Variants in NFASC observed in about 807,000 individuals in gnomAD.
NFASC encodes the protein neurofascin, also known as neurofascin homolog.
A neutral mutation model predicts 147.5 loss-of-function variants in NFASC; 43 were observed. The observed-to-expected ratio is 0.29, with a 90% CI of 0.23 to 0.38. The LOEUF (loss-of-function observed/expected upper bound fraction) is 0.38, where lower values mean the gene tolerates loss of function less well. Ranked by LOEUF, NFASC falls within the 10% of genes least tolerant of loss-of-function variation. NFASC has a pLI of 1.00. For missense variants in NFASC, 1,320 were observed against 1,689.0 expected (o/e 0.78, Z 3.83); for synonymous variants, 622 against 665.5 (o/e 0.93, Z 1.01).
chr1:204,921,558 G>A (rs902166041), intron 2 of NFASC, among the ~76,000 whole-genome samples: 5 of 152,146 alleles, frequency 3.3e-5, no homozygotes, highest in East Asian at 1.9e-4. Context: ...GGGGAGGGGC[G>A]TGGAGAGGGT....
intron 1 of NFASC, among the ~76,000 whole-genome samples, chr1:204,849,004 C>A (rs1317308239): frequency 6.6e-6 from 1 of 152,254 alleles, no homozygotes; most frequent in Non-Finnish European, 1.5e-5. Context: ...TGGAGGCAGG[C>A]CTGTCCCTGG....
At chr1:204,842,031 T>A (rs1675510360) in intron 1 of NFASC, among the ~76,000 whole-genome samples, 1 of 152,220 alleles carries the variant, frequency 6.6e-6, no homozygotes, top group Non-Finnish European at 1.5e-5. Context: ...TATACATCTA[T>A]ACCTGGAGTA....
chr1:204,955,039 T>C, intron 7 of NFASC, 88 bp downstream of exon 7: 1 of 1,515,426 alleles, frequency 6.6e-7, no homozygotes, highest in Non-Finnish European at 9.0e-7. Context: ...TTGCCCAAGC[T>C]AGAAGGCCTT....
chr1:204,905,811 GTT>G (rs2085727319), intron 1 of NFASC, among the ~76,000 whole-genome samples: 1 of 152,156 alleles, frequency 6.6e-6, no homozygotes, highest in South Asian at 2.1e-4. Flanking sequence ...TGCTGAATCA[GTT>G]TGTGAATGTT....
chr1:204,854,110 TGA>T (rs1410928080), intron 1 of NFASC, among the ~76,000 whole-genome samples: 1 of 151,200 alleles, frequency 6.6e-6, no homozygotes, highest in East Asian at 2.0e-4. Flanking sequence ...CCTTTTTGCC[TGA>T]CCTATTCATA....
chr1:205,001,535 G>T (rs1356691379), intron 26 of NFASC, among the ~76,000 whole-genome samples: 1 of 152,284 alleles, frequency 6.6e-6, no homozygotes, highest in East Asian at 1.9e-4. Flanking sequence ...TGTCTGTGGA[G>T]GACCTGGGTA....
chr1:204,984,700 G>GTA (rs1316990858), intron 21 of NFASC, among the ~76,000 whole-genome samples: 3 of 152,118 alleles, frequency 2.0e-5, no homozygotes, highest in Non-Finnish European at 2.9e-5. Flanking sequence ...AGATAACCCA[G>GTA]TATATGGACT....
At chr1:205,003,146 A>G (rs879585784) in intron 27 of NFASC, among the ~76,000 whole-genome samples, 1 of 152,192 alleles carries the variant, frequency 6.6e-6, no homozygotes, top group African/African-American at 2.4e-5. Flanking sequence ...ATGCAGGATC[A>G]GGGGATAGGG....
chr1:204,948,605 A>G, intron 3 of NFASC: 1 of 518,560 alleles, frequency 1.9e-6, no homozygotes, highest in Non-Finnish European at 3.9e-6. Context: ...CAAAACAAAA[A>G]ACTCTGGACC....
At chr1:204,956,830 G>A (rs2094455346) in intron 7 of NFASC, among the ~76,000 whole-genome samples, 1 of 151,922 alleles carries the variant, frequency 6.6e-6, no homozygotes, top group Non-Finnish European at 1.5e-5. Context: ...GCTGTGAGTA[G>A]TCAGCTTTAG....
intron 27 of NFASC, chr1:205,009,097 A>C (rs2096198813): frequency 3.9e-6 from 1 of 256,242 alleles, no homozygotes. Flanking sequence ...TTCTCATAGC[A>C]GGTTTTTGCA....
intron 1 of NFASC, among the ~76,000 whole-genome samples, chr1:204,879,414 C>T (rs1462609212): frequency 2.6e-5 from 4 of 152,190 alleles, no homozygotes; most frequent in Admixed American, 1.3e-4. Context: ...GGCTTGGGGG[C>T]GCTCACTGAA....
intron 3 of NFASC, chr1:204,946,774 C>T (rs191119367): frequency 2.1e-5 from 11 of 517,152 alleles, no homozygotes; most frequent in Admixed American, 9.7e-5. Context: ...CAACCCTTCC[C>T]GAGGCCCCCA....
intron 1 of NFASC, among the ~76,000 whole-genome samples, chr1:204,893,896 G>A (rs368582469): frequency 3.9e-5 from 6 of 152,324 alleles, no homozygotes; most frequent in African/African-American, 1.4e-4. Context: ...CCATTTGCCT[G>A]CCTTTAGATG....
At chr1:204,897,054 C>G (rs1240477186) in intron 1 of NFASC, among the ~76,000 whole-genome samples, 1 of 151,802 alleles carries the variant, frequency 6.6e-6, no homozygotes, top group Admixed American at 6.6e-5. Flanking sequence ...GTAGGTTCCC[C>G]CCCTTCCCCC....
chr1:204,911,814 G>T (rs2087584688), intron 1 of NFASC, among the ~76,000 whole-genome samples: 1 of 151,942 alleles, frequency 6.6e-6, no homozygotes, highest in Non-Finnish European at 1.5e-5. Flanking sequence ...TAATTATAAA[G>T]CAATTCAGAT....
At chr1:204,830,715 G>A (rs1326264246) in intron 1 of NFASC, among the ~76,000 whole-genome samples, 2 of 152,072 alleles carry the variant, frequency 1.3e-5, no homozygotes, top group Non-Finnish European at 2.9e-5. Context: ...CTCCCACTTA[G>A]CCCCAGAAAT....
chr1:204,957,484 G>A (rs965534460), intron 7 of NFASC, among the ~76,000 whole-genome samples, 172 bp from the exon 8 acceptor site: 1 of 152,206 alleles, frequency 6.6e-6, no homozygotes, highest in Non-Finnish European at 1.5e-5. Flanking sequence ...TCTGCTTTCT[G>A]ATCTGTAAAA....
intron 1 of NFASC, among the ~76,000 whole-genome samples, chr1:204,914,001 CAT>C (rs1202113316): frequency 1.3e-5 from 2 of 150,706 alleles, no homozygotes; most frequent in African/African-American, 2.4e-5. Flanking sequence ...TGACACAAAA[CAT>C]AGTGAAATAG....
Sources: allele counts gnomAD v4.1 joint callset (sites outside exome capture counted in the v4.1 genomes callset), GRCh38; gene constraint gnomAD v4.1.1; transcripts MANE v1.5; gene names NCBI Gene and HGNC (gene_info 2026-07-23, HGNC 2026-07-21).